The following EFNA5 variants were observed in gnomAD, a reference collection of about 807,000 sequenced individuals.
EFNA5 encodes ephrin-A5.
EFNA5 carries 5 observed loss-of-function variants against 22.9 expected under a neutral mutation model. The observed-to-expected ratio is 0.22, with a 90% confidence interval of 0.11 to 0.46. The LOEUF (loss-of-function observed/expected upper bound fraction) is 0.46, where lower values mean the gene tolerates loss of function less well. EFNA5 is among the 20% of genes least tolerant of loss of function. The probability of loss-of-function intolerance (pLI) is 0.99; values close to 1 mark genes in which losing one functional copy is unlikely to be tolerated. For missense variants in EFNA5, 237 were observed against 293.3 expected, an observed-to-expected ratio of 0.81 and a Z score of 1.40; for synonymous variants, 113 against 112.2, an observed-to-expected ratio of 1.01 and a Z score of -0.04.
intron 2 of EFNA5, among the ~76,000 whole-genome samples, chr5:107,404,064 C>T (rs1748151970): frequency 6.6e-6 from 1 of 152,140 alleles, no homozygotes; most frequent in South Asian, 2.1e-4. Context: ...TATAATCCAA[C>T]TTATGACCTA....
At chr5:107,443,865 C>T (rs575356167) in intron 1 of EFNA5, among the ~76,000 whole-genome samples, 1 of 152,178 alleles carries the variant, frequency 6.6e-6, no homozygotes, top group African/African-American at 2.4e-5. Flanking sequence ...TATCCCAGAA[C>T]TTAAAGTAAA....
At chr5:107,498,011 G>A (rs564094073) in intron 1 of EFNA5, among the ~76,000 whole-genome samples, 2 of 152,318 alleles carry the variant, frequency 1.3e-5, no homozygotes, top group East Asian at 3.9e-4. Flanking sequence ...GGCCTCCTGA[G>A]TTCAAGTGAT....
At chr5:107,492,923 G>A (rs533415948) in intron 1 of EFNA5, among the ~76,000 whole-genome samples, 2 of 151,610 alleles carry the variant, frequency 1.3e-5, no homozygotes, top group East Asian at 1.9e-4. Context: ...CGCTTGAACC[G>A]GGAGGCGGAG....
intron 2 of EFNA5, among the ~76,000 whole-genome samples, chr5:107,415,532 G>T (rs1015282297): frequency 1.3e-5 from 2 of 152,160 alleles, no homozygotes. Flanking sequence ...CACGTGAGCG[G>T]TGTGAAGCTT....
intron 1 of EFNA5, among the ~76,000 whole-genome samples, chr5:107,612,255 A>G (rs1206148840): frequency 1.3e-5 from 2 of 152,196 alleles, no homozygotes; most frequent in Non-Finnish European, 2.9e-5. Flanking sequence ...AAGTTGATTA[A>G]TTATACTTTC....
intron 1 of EFNA5, among the ~76,000 whole-genome samples, chr5:107,584,030 G>A (rs1035522418): frequency 2.6e-5 from 4 of 152,132 alleles, no homozygotes; most frequent in African/African-American, 7.2e-5. Flanking sequence ...CAGGCTCGGC[G>A]TCCACAGGGG....
chr5:107,507,292 C>T (rs996476044), intron 1 of EFNA5, among the ~76,000 whole-genome samples: 9 of 152,194 alleles, frequency 5.9e-5, no homozygotes, highest in African/African-American at 2.2e-4. Context: ...TTACAAATCT[C>T]ATCTCCTAAC....
At chr5:107,517,157 C>G (rs554116791) in intron 1 of EFNA5, among the ~76,000 whole-genome samples, 1 of 143,756 alleles carries the variant, frequency 7.0e-6, no homozygotes, top group African/African-American at 2.6e-5. Context: ...AACACTGTTA[C>G]TAAAAAAAAA....
chr5:107,661,303 G>A (rs73200653), intron 1 of EFNA5, among the ~76,000 whole-genome samples: 2,439 of 152,268 alleles, frequency 0.016, 59 homozygotes, highest in African/African-American at 0.056. Context: ...CCATCCGGAA[G>A]CCACAAAAGC....
intron 2 of EFNA5, among the ~76,000 whole-genome samples, chr5:107,389,423 A>G (rs773912854): frequency 1.3e-5 from 2 of 152,224 alleles, no homozygotes; most frequent in African/African-American, 4.8e-5. Context: ...TGTCTTATTC[A>G]TGAGAGTTAG....
chr5:107,592,773 G>T (rs1749403425), intron 1 of EFNA5, among the ~76,000 whole-genome samples: 1 of 152,076 alleles, frequency 6.6e-6, no homozygotes, highest in Admixed American at 6.5e-5. Context: ...CACAGACAGG[G>T]AGGTGAAGTG....
intron 1 of EFNA5, among the ~76,000 whole-genome samples, chr5:107,596,560 T>C (rs1324450225): frequency 1.3e-5 from 2 of 152,326 alleles, no homozygotes; most frequent in South Asian, 2.1e-4. Flanking sequence ...TTGTGAATAA[T>C]GCTGTAATGA....
chr5:107,638,588 G>A (rs1750435488), intron 1 of EFNA5, among the ~76,000 whole-genome samples: 1 of 152,138 alleles, frequency 6.6e-6, no homozygotes, highest in Non-Finnish European at 1.5e-5. Flanking sequence ...TATTTACATA[G>A]CATCTATGTT....
intron 1 of EFNA5, among the ~76,000 whole-genome samples, chr5:107,546,689 C>G (rs920355768): frequency 1.9e-5 from 1 of 53,678 alleles, no homozygotes; most frequent in Non-Finnish European, 3.8e-5. Flanking sequence ...CACACACACT[C>G]TCACCCCTGG....
At chr5:107,638,374 T>C (rs1274555488) in intron 1 of EFNA5, among the ~76,000 whole-genome samples, 2 of 152,154 alleles carry the variant, frequency 1.3e-5, no homozygotes, top group African/African-American at 2.4e-5. Context: ...AGAGAGATGT[T>C]AGTCAAAGAA....
At chr5:107,452,853 T>C (rs969668564) in intron 1 of EFNA5, among the ~76,000 whole-genome samples, 2 of 152,188 alleles carry the variant, frequency 1.3e-5, no homozygotes, top group African/African-American at 4.8e-5. Flanking sequence ...AACTCATATA[T>C]GTACAGACAT....
intron 1 of EFNA5, among the ~76,000 whole-genome samples, chr5:107,657,977 A>G (rs7725449): frequency 0.31 from 47,571 of 152,006 alleles, 7,888 homozygotes; most frequent in African/African-American, 0.39. Context: ...TGAGGAAAGC[A>G]GAAGCATATT....
chr5:107,394,491 G>T (rs1423185712), intron 2 of EFNA5, among the ~76,000 whole-genome samples: 1 of 152,164 alleles, frequency 6.6e-6, no homozygotes, highest in Non-Finnish European at 1.5e-5. Context: ...AACATATTCT[G>T]CAAGTTAAAA....
chr5:107,527,746 G>T lies in EFNA5; in HGVS notation c.126-100237C>A, dbSNP rs79361423. On this transcript the variant is annotated intron_variant, in intron 1 of 4. Coordinates refer to ENST00000333274, the MANE Select transcript of EFNA5 (RefSeq NM_001962.3). Reference sequence around the variant, plus strand: ...TCTTATTTCAGATGCCCAACACCCAGATGTGGCAGGTAGGGAAGTTTCATA... The same window carrying T: ...TCTTATTTCAGATGCCCAACACCCATATGTGGCAGGTAGGGAAGTTTCATA... 4.7e-3 allele frequency among the ~76,000 whole-genome samples: 714 copies of T among 152,208 alleles called. 7 individuals are homozygous for T. Among genetic ancestry groups the T allele is most frequent in the African/African-American group, 0.016 (679 of 41,520 alleles).
Sources: allele counts gnomAD v4.1 joint callset (sites outside exome capture counted in the v4.1 genomes callset), GRCh38; gene constraint gnomAD v4.1.1; transcripts MANE v1.5; gene names NCBI Gene and HGNC (gene_info 2026-07-23, HGNC 2026-07-21).